Variants in MCC observed in about 807,000 individuals in gnomAD.
The protein encoded by MCC is colorectal mutant cancer protein.
In MCC, 90 loss-of-function variants were observed where a neutral mutation model predicts 116.2. The ratio of observed to expected loss-of-function variants is 0.77; its 90% CI spans 0.65 to 0.92. The LOEUF is 0.92. Ranked by LOEUF, MCC falls within the 40% of genes least tolerant of loss-of-function variation. The pLI is 0.00. For missense variants in MCC, 1,516 were observed against 1,312.2 expected, an observed-to-expected ratio of 1.16 and a Z score of -2.40; for synonymous variants, 578 against 510.5, an observed-to-expected ratio of 1.13 and a Z score of -1.78.
At chr5:113,096,179 A>G in intron 8 of MCC, among the ~76,000 whole-genome samples, 1 of 152,174 alleles carries the variant, frequency 6.6e-6, no homozygotes, top group African/African-American at 2.4e-5. Flanking sequence ...GCATGAGGAG[A>G]AGGCAGAAAG....
chr5:113,357,335 T>G (rs1005800913), intron 2 of MCC, among the ~76,000 whole-genome samples: 1 of 152,124 alleles, frequency 6.6e-6, no homozygotes, highest in Non-Finnish European at 1.5e-5. Flanking sequence ...TTCTGAAAGG[T>G]AACAATTATG....
chr5:113,085,306 C>T lies in MCC; in HGVS notation c.1403G>A (p.Arg468Lys). ...EERDRLRRRV[R>K]ELQTRLQSVQ... ...GCTCTGTAGTCGAGTTTGAAGCTCTCTGACCTGAAATCATAATGCTTTTAG... is the reference window on the plus strand; with the variant it reads ...GCTCTGTAGTCGAGTTTGAAGCTCTTTGACCTGAAATCATAATGCTTTTAG... The change falls in exon 9 of 19, where the codon AGA becomes AAA. Residue 468 changes from arginine (R) to lysine (K), a missense_variant. Arg to Lys is a conservative substitution (Grantham distance 26). Transcript: ENST00000408903. 6.2e-7 allele frequency: 1 copy of T among 1,610,040 alleles called. No individual in the cohort carries two copies. Among genetic ancestry groups the T allele is most frequent in the Non-Finnish European group, 8.5e-7 (1 of 1,177,190 alleles).
intron 1 of MCC, among the ~76,000 whole-genome samples, chr5:113,458,734 G>C (rs1345595660): frequency 6.6e-6 from 1 of 152,216 alleles, no homozygotes; most frequent in Non-Finnish European, 1.5e-5. Context: ...ACAATTAGGA[G>C]TTGGGAAGAA....
intron 3 of MCC, among the ~76,000 whole-genome samples, chr5:113,227,953 G>A (rs3846720): frequency 0.48 from 73,037 of 152,100 alleles, 21,534 homozygotes; most frequent in East Asian, 0.71. Context: ...TCTAGTTAAC[G>A]GCTGGTCTAA....
At chr5:113,437,719 T>C (rs1300200680) in intron 1 of MCC, among the ~76,000 whole-genome samples, 1 of 152,206 alleles carries the variant, frequency 6.6e-6, no homozygotes, top group Non-Finnish European at 1.5e-5. Flanking sequence ...CACCCCCTTT[T>C]TGTCTTTTGA....
intron 5 of MCC, among the ~76,000 whole-genome samples, chr5:113,126,471 G>C (rs566197053): frequency 3.9e-5 from 6 of 152,168 alleles, no homozygotes; most frequent in Non-Finnish European, 8.8e-5. Context: ...ATGTATTTGA[G>C]CTGCATGAAT....
intron 3 of MCC, among the ~76,000 whole-genome samples, chr5:113,201,460 A>G (rs954342567): frequency 4.6e-5 from 7 of 151,428 alleles, no homozygotes; most frequent in African/African-American, 1.7e-4. Flanking sequence ...CCATAAATCT[A>G]GGGCCCCAAG....
Position 113,273,075 on chromosome 5 carries a change from A to G in MCC, c.627+67444T>C, listed in dbSNP as rs189597174. Among the ~76,000 whole-genome samples the G allele has an allele frequency of 7.2e-3, 1,072 of 148,750 alleles. 6 individuals carry two copies. The highest frequency in any genetic ancestry group is 0.014 in the Middle Eastern group (4 of 280). On this transcript the variant is annotated intron_variant, in intron 3 of 18. Coordinates refer to ENST00000408903, the MANE Select transcript of MCC (RefSeq NM_001085377.2). ...AACATTAATGAACTAAGGAGAGAGA[A>G]CTATTAGTTCAATAATACTAGAAAG...
rs1767792858 is a variant in MCC, at chr5:113,333,846, T to TATGTACATATGTAC, written c.627+6672_627+6673insGTACATATGTACAT. On this transcript the variant is annotated intron_variant, in intron 3 of 18. Transcript: ENST00000408903. ...ATATATGTATATATGTATATATGTATATATGTACATATATGTATATATGTA... is the reference window on the plus strand; with the variant it reads ...ATATATGTATATATGTATATATGTATATGTACATATGTACATATGTACATATATGTATATATGTA... 3.2e-5 allele frequency among the ~76,000 whole-genome samples: 2 copies of TATGTACATATGTAC among 62,640 alleles called. 1 individual carries two copies. Among genetic ancestry groups the TATGTACATATGTAC allele is most frequent in the African/African-American group, 1.4e-4 (2 of 14,464 alleles). 41.1% of individuals were successfully genotyped at this position (62,640 alleles called of 152,430 possible).
intron 11 of MCC, among the ~76,000 whole-genome samples, chr5:113,081,085 C>A (rs1754828932): frequency 6.6e-6 from 1 of 152,200 alleles, no homozygotes; most frequent in Non-Finnish European, 1.5e-5. Context: ...CCCCCCTCCC[C>A]TGCCAATCAT....
At position 113,122,702 on chromosome 5, in the gene MCC, T is replaced by C. The variant is rs1347248643; in HGVS notation, c.1009A>G (p.Met337Val). Residue 337 changes from methionine (M) to valine (V), a missense_variant, in exon 6 of 19, where the codon ATG becomes GTG. Physicochemically the swap from Met to Val is conservative, Grantham distance 21. Coordinates refer to ENST00000408903, the MANE Select transcript of MCC (RefSeq NM_001085377.2). ...SVSIPENQST[M>V]VTADMDNCSD... is the part of the protein sequence containing the mutation. The stretch of plus-strand genomic sequence containing the variant: ...GACTCACCCATGTCAGCAGTAACCA[T>C]GGTAGACTGGTTTTCGGGGATAGAG... The C allele has an allele frequency of 1.2e-5, 20 of 1,614,038 alleles. No individual in the cohort carries two copies. Among genetic ancestry groups the C allele is most frequent in the East Asian group, 4.5e-5 (2 of 44,896 alleles).
chr5:113,061,066 AGTTCAAAGAGTG>A (rs1391522162), intron 14 of MCC, among the ~76,000 whole-genome samples: 4 of 152,204 alleles, frequency 2.6e-5, no homozygotes, highest in Non-Finnish European at 5.9e-5. Context: ...AATCCAGACT[AGTTCAAAGAGTG>A]AGAGCTAGGC....
At chr5:113,384,937 T>A (rs745770123) in intron 2 of MCC, 31 bp downstream of exon 2, 1 of 1,611,770 alleles carries the variant, frequency 6.2e-7, no homozygotes, top group African/African-American at 1.3e-5. Context: ...GCCAGTGGAG[T>A]GCCATAAAAC....
At chr5:113,270,521 G>T in intron 3 of MCC, among the ~76,000 whole-genome samples, 1 of 150,970 alleles carries the variant, frequency 6.6e-6, no homozygotes. Flanking sequence ...ACGTCCTTTA[G>T]AATAAAAAAC....
In MCC at chr5:113,433,771, G is replaced by A. The variant is rs772486035; in HGVS notation, c.171-48559C>T. 8.7e-6 allele frequency: 14 copies of A among 1,613,722 alleles called. No homozygotes were observed. Among genetic ancestry groups the A allele is most frequent in the African/African-American group, 4.0e-5 (3 of 74,940 alleles). On this transcript the variant is annotated intron_variant, in intron 1 of 18. Coordinates refer to ENST00000408903, the MANE Select transcript of MCC (RefSeq NM_001085377.2). ...CGCGTCTCTGGAGGCTGTTGGGGGGGCCCTTCCTCTGTCTCCATAGTCGAC... is the reference window on the plus strand; with the variant it reads ...CGCGTCTCTGGAGGCTGTTGGGGGGACCCTTCCTCTGTCTCCATAGTCGAC...
At chr5:113,308,785 A>G (rs1767061746) in intron 3 of MCC, among the ~76,000 whole-genome samples, 1 of 152,014 alleles carries the variant, frequency 6.6e-6, no homozygotes, top group African/African-American at 2.4e-5. Flanking sequence ...CCTGGGAGAC[A>G]GAGCAAGACC....
At chr5:113,376,428 G>A (rs1768980351) in intron 2 of MCC, among the ~76,000 whole-genome samples, 1 of 152,100 alleles carries the variant, frequency 6.6e-6, no homozygotes, top group African/African-American at 2.4e-5. Flanking sequence ...ACACAATGTG[G>A]CTGATAATTG....
intron 6 of MCC, among the ~76,000 whole-genome samples, chr5:113,118,989 G>C (rs1459338084): frequency 2.6e-5 from 4 of 152,156 alleles, no homozygotes; most frequent in Non-Finnish European, 1.5e-5. Context: ...ATTCTTCCAT[G>C]CTCCTCCCCG....
At chr5:113,049,958 T>C (rs548751712) in intron 15 of MCC, among the ~76,000 whole-genome samples, 2 of 152,192 alleles carry the variant, frequency 1.3e-5, no homozygotes, top group Admixed American at 6.5e-5. Flanking sequence ...ATGAGAGCGA[T>C]GAGTGGAGAA....
Sources: gnomAD v4.1 joint callset for allele counts (sites outside exome capture counted in the v4.1 genomes callset) on GRCh38, gnomAD v4.1.1 for gene constraint, MANE v1.5 for transcripts, NCBI Gene and HGNC (gene_info 2026-07-23, HGNC 2026-07-21) for gene names.